Variants in CTDSP2 observed in about 807,000 individuals in gnomAD.
CTDSP2 encodes CTD small phosphatase 2.
In CTDSP2, 9 loss-of-function variants were observed where a neutral mutation model predicts 31.6. The ratio of observed to expected loss-of-function variants is 0.28; its 90% CI spans 0.17 to 0.50. CTDSP2 has a LOEUF of 0.50. Ranked by LOEUF, CTDSP2 falls within the 20% of genes least tolerant of loss-of-function variation. The pLI is 0.98. For missense variants in CTDSP2, 267 were observed against 348.5 expected, an observed-to-expected ratio of 0.77 and a Z score of 1.86; for synonymous variants, 134 against 134.5, an observed-to-expected ratio of 1.00 and a Z score of 0.03.
At position 57,846,525 on chromosome 12, in the gene CTDSP2, C is replaced by T; in HGVS notation, c.-90G>A. 1.9e-6 allele frequency: 2 copies of T among 1,075,726 alleles called. No homozygotes were observed. Among genetic ancestry groups the T allele is most frequent in the South Asian group, 3.8e-5 (2 of 52,840 alleles). 66.6% of individuals were successfully genotyped at this position (1,075,726 alleles called of 1,614,324 possible). On this transcript the variant is annotated 5_prime_UTR_variant, in exon 1 of 8. Transcript: ENST00000398073. ...GCTGGGGGGCCTGGGCGGGGGCCCG[C>T]TCCGGCTCCCGAGACTCCGACTTCC...
chr12:57,831,939 A>AC (rs1401276610), intron 1 of CTDSP2, among the ~76,000 whole-genome samples: 1 of 152,184 alleles, frequency 6.6e-6, no homozygotes, highest in African/African-American at 2.4e-5. Context: ...GGCTGCCAGT[A>AC]CCCCCTGGAG....
At chr12:57,833,926 A>G (rs538401981) in intron 1 of CTDSP2, among the ~76,000 whole-genome samples, 150 of 152,280 alleles carry the variant, frequency 9.9e-4, no homozygotes, top group Non-Finnish European at 1.9e-3. Flanking sequence ...AATCCTTACT[A>G]TTAACACTTT....
At chr12:57,843,428 C>T (rs139058077) in intron 1 of CTDSP2, among the ~76,000 whole-genome samples, 43 of 152,204 alleles carry the variant, frequency 2.8e-4, no homozygotes, top group Admixed American at 6.5e-4. Flanking sequence ...GTGCTTTTAT[C>T]ATCAATGCTT....
intron 1 of CTDSP2, among the ~76,000 whole-genome samples, chr12:57,841,249 C>T (rs1045816467): frequency 6.6e-6 from 1 of 152,170 alleles, no homozygotes; most frequent in Admixed American, 6.6e-5. Flanking sequence ...CAGATCAATG[C>T]TGCTTTTGTA....
chr12:57,845,154 T>C (rs1422541345), intron 1 of CTDSP2, among the ~76,000 whole-genome samples: 1 of 151,874 alleles, frequency 6.6e-6, no homozygotes, highest in Non-Finnish European at 1.5e-5. Context: ...TCGCGCTCGG[T>C]GGAGAAGGGG....
chr12:57,829,322 G>T, intron 2 of CTDSP2, 126 bp downstream of exon 2: 1 of 1,070,594 alleles, frequency 9.3e-7, no homozygotes, highest in Admixed American at 2.0e-5. Flanking sequence ...TGGAGGAAGG[G>T]CCCCCTCTCA....
chr12:57,837,372 G>A (rs10783851), intron 1 of CTDSP2, among the ~76,000 whole-genome samples: 42,851 of 152,076 alleles, frequency 0.28, 7,828 homozygotes, highest in East Asian at 0.74. Flanking sequence ...GCTTAGCACC[G>A]GCTCCCGAAG....
At chr12:57,838,222 C>G (rs1215999654) in intron 1 of CTDSP2, among the ~76,000 whole-genome samples, 1 of 152,182 alleles carries the variant, frequency 6.6e-6, no homozygotes, top group Non-Finnish European at 1.5e-5. Context: ...AAGCCCCACT[C>G]CAGAGGACTC....
intron 5 of CTDSP2, 93 bp from the exon 6 acceptor site, chr12:57,824,412 T>C: frequency 1.1e-6 from 1 of 949,428 alleles, no homozygotes; most frequent in Non-Finnish European, 1.7e-6. Context: ...AGCAAGGAGC[T>C]CTCAACCCCT....
chr12:57,836,320 T>C (rs995634804), intron 1 of CTDSP2, among the ~76,000 whole-genome samples: 6 of 152,200 alleles, frequency 3.9e-5, no homozygotes, highest in African/African-American at 1.4e-4. Context: ...TCCCCTGGTA[T>C]TCATCCCCAC....
chr12:57,839,492 G>A (rs991966364), intron 1 of CTDSP2, among the ~76,000 whole-genome samples: 10 of 152,206 alleles, frequency 6.6e-5, no homozygotes, highest in African/African-American at 2.4e-4. Flanking sequence ...GCCAAGGCGG[G>A]CGGATCATGA....
chr12:57,832,158 C>G (rs1161059954), intron 1 of CTDSP2, among the ~76,000 whole-genome samples: 1 of 152,220 alleles, frequency 6.6e-6, no homozygotes, highest in Admixed American at 6.5e-5. Context: ...TCTCTCTCTC[C>G]TCCCTGGGTT....
At chr12:57,833,068 G>C (rs1180113876) in intron 1 of CTDSP2, among the ~76,000 whole-genome samples, 3 of 152,192 alleles carry the variant, frequency 2.0e-5, no homozygotes, top group Non-Finnish European at 4.4e-5. Context: ...CCCGGGCACA[G>C]AGTCTTTTTT....
chr12:57,836,813 C>T (rs1249828934), intron 1 of CTDSP2, among the ~76,000 whole-genome samples: 2 of 152,216 alleles, frequency 1.3e-5, no homozygotes, highest in Non-Finnish European at 2.9e-5. Context: ...ACTCCTCACA[C>T]ATCTGCCTGC....
At chr12:57,827,397 A>C (rs566700019) in intron 3 of CTDSP2, 155 bp downstream of exon 3, 10 of 775,978 alleles carry the variant, frequency 1.3e-5, no homozygotes, top group Middle Eastern at 5.8e-4. Context: ...CCTTGCACAT[A>C]GCAGGCCCTC....
At chr12:57,831,620 G>A (rs1956216380) in intron 1 of CTDSP2, among the ~76,000 whole-genome samples, 1 of 152,202 alleles carries the variant, frequency 6.6e-6, no homozygotes, top group African/African-American at 2.4e-5. Flanking sequence ...AGAGGGTCTT[G>A]AGTTTCCTAG....
intron 1 of CTDSP2, among the ~76,000 whole-genome samples, chr12:57,834,314 G>A (rs1220028909): frequency 6.6e-6 from 1 of 152,072 alleles, no homozygotes; most frequent in East Asian, 1.9e-4. Context: ...CAGTCTTCTT[G>A]GGAACTTTTG....
At position 57,823,930 on chromosome 12, in the gene CTDSP2, A is replaced by C. The variant is rs1401716612; in HGVS notation, c.664T>G (p.Ser222Ala). 1 of 1,614,024 alleles carries C rather than the reference A, an allele frequency of 6.2e-7. No homozygotes were observed. The highest frequency in any genetic ancestry group is 8.5e-7 in the Non-Finnish European group (1 of 1,179,978). Residue 222 changes from serine (S) to alanine (A), a missense_variant, in exon 7 of 8, where the codon TCT (serine) becomes GCT (alanine). Around this residue, in one of 2 missense-constraint regions of CTDSP2, gnomAD observed 156 missense variants for 241.3 expected, o/e 0.65. Transcript: ENST00000398073. Reference protein sequence around the residue: ...KTLILDNSPASYIFHPENAVP... With the variant: ...KTLILDNSPAAYIFHPENAVP... Reference sequence around the variant, plus strand: ...GCATTCTCGGGGTGGAATATGTAAGAAGCAGGCGAGTTGTCCAGGATGAGG... The same window carrying C: ...GCATTCTCGGGGTGGAATATGTAAGCAGCAGGCGAGTTGTCCAGGATGAGG...
At chr12:57,840,539 C>T (rs1159622045) in intron 1 of CTDSP2, among the ~76,000 whole-genome samples, 4 of 152,116 alleles carry the variant, frequency 2.6e-5, no homozygotes, top group Non-Finnish European at 5.9e-5. Flanking sequence ...TATTCTGCTG[C>T]GGGAACAGAA....
Sources: allele counts gnomAD v4.1 joint callset (sites outside exome capture counted in the v4.1 genomes callset), GRCh38; gene constraint gnomAD v4.1.1; regional missense constraint gnomAD v4.1.1; transcripts MANE v1.5; gene names NCBI Gene and HGNC (gene_info 2026-07-23, HGNC 2026-07-21).